Variants in PTPRD observed in about 807,000 individuals in gnomAD.
The protein encoded by PTPRD is receptor-type tyrosine-protein phosphatase delta.
Under a neutral mutation model 214.5 loss-of-function variants are expected in PTPRD, and 34 were observed. The ratio of observed to expected loss-of-function variants is 0.16; its 90% CI spans 0.12 to 0.21. The LOEUF (loss-of-function observed/expected upper bound fraction) is 0.21. Among genes scored for constraint, PTPRD ranks in the 10% least tolerant of loss-of-function variants. The probability of loss-of-function intolerance (pLI) is 1.00; values close to 1 mark genes in which losing one functional copy is unlikely to be tolerated. For synonymous variants in PTPRD, 1,128 were observed against 845.7 expected, an observed-to-expected ratio of 1.33 and a Z score of -5.79; for missense variants, 2,545 against 2,398.7, an observed-to-expected ratio of 1.06 and a Z score of -1.27.
At chr9:9,752,103 A>G (rs545692122) in intron 6 of PTPRD, among the ~76,000 whole-genome samples, 1 of 152,248 alleles carries the variant, frequency 6.6e-6, no homozygotes, top group African/African-American at 2.4e-5. Flanking sequence ...TAAATTTCTT[A>G]CCAGTCAGTG....
intron 21 of PTPRD, among the ~76,000 whole-genome samples, chr9:8,514,164 C>A (rs10217685): frequency 0.2 from 30,430 of 151,826 alleles, 3,266 homozygotes; most frequent in African/African-American, 0.27. Flanking sequence ...GTCCACTGGT[C>A]ATATAAAAAA....
At chr9:8,933,694 C>T (rs1391941568) in intron 11 of PTPRD, among the ~76,000 whole-genome samples, 1 of 152,068 alleles carries the variant, frequency 6.6e-6, no homozygotes, top group Non-Finnish European at 1.5e-5. Context: ...TGATATACTA[C>T]CTCTTAGTCT....
At position 9,206,952 on chromosome 9, in the gene PTPRD, C is replaced by T. The variant is rs189652517; in HGVS notation, c.-202-23589G>A. Among the ~76,000 whole-genome samples the T allele has an allele frequency of 1.8e-4, 28 of 152,226 alleles. 1 individual carries two copies. Among genetic ancestry groups the T allele is most frequent in the African/African-American group, 6.7e-4 (28 of 41,532 alleles). ...TACATCTATCCTATTAGTTCTGTCC[C>T]TCTAGAGAACCCTGACTAATACAAA... is the stretch of plus-strand genomic sequence containing the variant. On this transcript the variant is annotated intron_variant, in intron 9 of 45. Transcript: ENST00000381196.
intron 11 of PTPRD, among the ~76,000 whole-genome samples, chr9:8,802,410 A>G (rs1038032163): frequency 2.6e-5 from 4 of 152,154 alleles, no homozygotes; most frequent in Admixed American, 6.5e-5. Flanking sequence ...AAGGCCCTCA[A>G]ATAGAAGAAC....
At chr9:10,610,023 T>A (rs1037208206) in intron 2 of PTPRD, among the ~76,000 whole-genome samples, 2 of 152,172 alleles carry the variant, frequency 1.3e-5, no homozygotes, top group African/African-American at 4.8e-5. Flanking sequence ...GCAGACTGCT[T>A]ATGTATTTCA....
intron 12 of PTPRD, among the ~76,000 whole-genome samples, chr9:8,660,206 T>TTCCAAAACGA (rs2097010410): frequency 6.6e-6 from 1 of 152,234 alleles, no homozygotes; most frequent in African/African-American, 2.4e-5. Context: ...GCTCTTGTCT[T>TTCCAAAACGA]ACACAGGCAC....
intron 13 of PTPRD, among the ~76,000 whole-genome samples, chr9:8,635,324 A>C (rs1401831146): frequency 6.6e-6 from 1 of 151,738 alleles, no homozygotes; most frequent in Non-Finnish European, 1.5e-5. Context: ...CTTCTCTTTG[A>C]CAAAAAATTA....
intron 27 of PTPRD, among the ~76,000 whole-genome samples, chr9:8,490,060 T>C (rs1210693225): frequency 6.6e-6 from 1 of 152,178 alleles, no homozygotes; most frequent in East Asian, 1.9e-4. Flanking sequence ...TTATAAGTCA[T>C]GCCAGCTGTT....
intron 9 of PTPRD, among the ~76,000 whole-genome samples, chr9:9,258,431 TAA>T (rs5896313): frequency 1.4e-5 from 2 of 145,522 alleles, no homozygotes; most frequent in African/African-American, 5.0e-5. Context: ...TTCTATTAAA[TAA>T]AAAAAAAAAT....
At chr9:10,449,160 C>T (rs955447573) in intron 2 of PTPRD, among the ~76,000 whole-genome samples, 1 of 151,900 alleles carries the variant, frequency 6.6e-6, no homozygotes, top group Non-Finnish European at 1.5e-5. Flanking sequence ...CTGCCTCAGC[C>T]TGCCAAGTGC....
At chr9:9,850,339 T>G (rs1300476028) in intron 5 of PTPRD, among the ~76,000 whole-genome samples, 1 of 151,996 alleles carries the variant, frequency 6.6e-6, no homozygotes, top group African/African-American at 2.4e-5. Context: ...AGAAGTGGAG[T>G]TAACATGTAA....
chr9:9,865,533 C>T (rs1477381666), intron 5 of PTPRD, among the ~76,000 whole-genome samples: 1 of 152,124 alleles, frequency 6.6e-6, no homozygotes, highest in Non-Finnish European at 1.5e-5. Context: ...CATCAGTGTG[C>T]CCTCTCAACC....
At chr9:9,708,295 T>G (rs193026080) in intron 7 of PTPRD, among the ~76,000 whole-genome samples, 3 of 152,194 alleles carry the variant, frequency 2.0e-5, no homozygotes, top group Admixed American at 2.0e-4. Context: ...GGAGTTTCTC[T>G]TCAGAATGGC....
intron 9 of PTPRD, among the ~76,000 whole-genome samples, chr9:9,268,511 G>A (rs901249266): frequency 6.6e-6 from 1 of 150,964 alleles, no homozygotes; most frequent in Non-Finnish European, 1.5e-5. Context: ...ATAGAGAAAG[G>A]AATCTTAAAA....
chr9:9,638,039 A>C (rs2095827224), intron 7 of PTPRD, among the ~76,000 whole-genome samples: 1 of 152,152 alleles, frequency 6.6e-6, no homozygotes, highest in African/African-American at 2.4e-5. Flanking sequence ...AATACCTCAA[A>C]GTTCTTCAAA....
At chr9:10,561,466 C>A (rs1308584820) in intron 2 of PTPRD, among the ~76,000 whole-genome samples, 1 of 152,062 alleles carries the variant, frequency 6.6e-6, no homozygotes, top group Admixed American at 6.6e-5. Flanking sequence ...TGATTATATG[C>A]ACTTATCATC....
chr9:9,423,225 C>T (rs191798691), intron 8 of PTPRD, among the ~76,000 whole-genome samples: 14 of 152,194 alleles, frequency 9.2e-5, no homozygotes, highest in African/African-American at 3.1e-4. Context: ...AGCCTTAACC[C>T]CCAACATGAT....
At chr9:9,998,453 C>T (rs1368182969) in intron 4 of PTPRD, among the ~76,000 whole-genome samples, 2 of 152,006 alleles carry the variant, frequency 1.3e-5, no homozygotes, top group African/African-American at 4.8e-5. Context: ...CTCCCCTTCC[C>T]ATAGCATGAC....
intron 5 of PTPRD, among the ~76,000 whole-genome samples, chr9:9,805,627 T>C (rs1421828014): frequency 6.6e-6 from 1 of 152,182 alleles, no homozygotes; most frequent in East Asian, 1.9e-4. Flanking sequence ...TAAAGTACAC[T>C]TTTATGCCTT....
Sources: allele counts gnomAD v4.1 joint callset (sites outside exome capture counted in the v4.1 genomes callset), GRCh38; gene constraint gnomAD v4.1.1; transcripts MANE v1.5; gene names NCBI Gene and HGNC (gene_info 2026-07-23, HGNC 2026-07-21).